ATF7IP2: variants seen among roughly 807,000 people sequenced by gnomAD.
ATF7IP2 encodes activating transcription factor 7 interacting protein 2.
A neutral mutation model predicts 64.2 loss-of-function variants in ATF7IP2; 42 were observed. That is an observed-to-expected ratio of 0.65 (90% CI 0.51 to 0.85). ATF7IP2 has a LOEUF of 0.85. Among genes scored for constraint, ATF7IP2 ranks in the 40% least tolerant of loss-of-function variants. The pLI is 0.00. For synonymous variants in ATF7IP2, 308 were observed against 272.8 expected (o/e 1.13, Z -1.27); for missense variants, 933 against 784.2 (o/e 1.19, Z -2.27).
intron 1 of ATF7IP2, among the ~76,000 whole-genome samples, chr16:10,387,922 A>T (rs1026031080): frequency 7.3e-6 from 1 of 136,914 alleles, no homozygotes; most frequent in Admixed American, 8.2e-5. Flanking sequence ...TTTCTTTGTG[A>T]GGCAGAGATT....
At chr16:10,438,369 A>T in intron 7 of ATF7IP2, 134 bp downstream of exon 7, 4 of 851,986 alleles carry the variant, frequency 4.7e-6, no homozygotes, top group Non-Finnish European at 6.7e-6. Context: ...CTCAGTCTCC[A>T]GAGTAGCTGA....
At chr16:10,479,635 A>G (rs1019532437) in intron 12 of ATF7IP2, among the ~76,000 whole-genome samples, 5 of 152,074 alleles carry the variant, frequency 3.3e-5, no homozygotes, top group Admixed American at 6.6e-5. Context: ...CATGTACCCT[A>G]AAACTTAAAG....
chr16:10,469,799 T>G (rs1173086746), intron 9 of ATF7IP2, among the ~76,000 whole-genome samples: 1 of 151,408 alleles, frequency 6.6e-6, no homozygotes, highest in Non-Finnish European at 1.5e-5. Context: ...GAACAAAAAG[T>G]AAGAATGGCA....
chr16:10,462,103 A>G (rs1421615616), intron 9 of ATF7IP2, among the ~76,000 whole-genome samples: 1 of 152,142 alleles, frequency 6.6e-6, no homozygotes, highest in African/African-American at 2.4e-5. Context: ...AGATAATGAT[A>G]TGTATTCTTT....
intron 12 of ATF7IP2, among the ~76,000 whole-genome samples, chr16:10,477,672 T>A (rs1169926888): frequency 6.6e-6 from 1 of 151,450 alleles, no homozygotes; most frequent in African/African-American, 2.4e-5. Flanking sequence ...GAGAAGGAAA[T>A]AAAGGGTATT....
At position 10,481,910 on chromosome 16, in the gene ATF7IP2, C is replaced by G. The variant is rs757659166; in HGVS notation, c.1710C>G (p.Thr570=). ...PAPLPELVDK[T]RDTLPPQKPE... ...CACTACCTGAATTAGTAGACAAAAC[C>G]CGAGACACACTTCCTCCCCAGAAGC... Residue 570 remains threonine, a synonymous_variant, in exon 14 of 14, where the codon ACC becomes ACG. Transcript: ENST00000562102. The G allele has an allele frequency of 6.2e-7, 1 of 1,613,910 alleles. No homozygotes were observed. Among genetic ancestry groups the G allele is most frequent in the Non-Finnish European group, 8.5e-7 (1 of 1,179,946 alleles).
intron 7 of ATF7IP2, among the ~76,000 whole-genome samples, chr16:10,439,492 C>A (rs1290740579): frequency 2.6e-5 from 4 of 151,246 alleles, no homozygotes; most frequent in Non-Finnish European, 4.4e-5. Context: ...CCTCGGCTTC[C>A]CAAAGTGCTG....
At chr16:10,459,023 TAAA>T (rs1319562817) in intron 9 of ATF7IP2, among the ~76,000 whole-genome samples, 2 of 102,908 alleles carry the variant, frequency 1.9e-5, no homozygotes, top group African/African-American at 3.4e-5. Context: ...CCATCTCTAC[TAAA>T]AAATAATAAT....
chr16:10,440,674 T>C (rs577474617), intron 8 of ATF7IP2, among the ~76,000 whole-genome samples: 1 of 152,346 alleles, frequency 6.6e-6, no homozygotes, highest in South Asian at 2.1e-4. Flanking sequence ...AGAAAGAGGA[T>C]TGGTGATTGC....
chr16:10,386,971 A>G (rs2047215423), intron 1 of ATF7IP2: 1 of 152,122 alleles, frequency 6.6e-6, no homozygotes, highest in African/African-American at 2.4e-5. Context: ...TTCCTTTACG[A>G]CACAATGGCT....
intron 6 of ATF7IP2, among the ~76,000 whole-genome samples, chr16:10,434,825 T>G (rs1044204918): frequency 6.6e-6 from 1 of 152,004 alleles, no homozygotes; most frequent in Non-Finnish European, 1.5e-5. Flanking sequence ...TGAGGCAGAG[T>G]CTCACTTTGT....
At chr16:10,434,251 A>T (rs73497841) in intron 6 of ATF7IP2, among the ~76,000 whole-genome samples, 6 of 152,156 alleles carry the variant, frequency 3.9e-5, no homozygotes, top group Non-Finnish European at 5.9e-5. Flanking sequence ...CGTTTGATCA[A>T]TTGTTAGCTG....
intron 1 of ATF7IP2, among the ~76,000 whole-genome samples, chr16:10,395,636 C>T (rs1381324233): frequency 6.6e-6 from 1 of 152,066 alleles, no homozygotes; most frequent in Non-Finnish European, 1.5e-5. Flanking sequence ...ATTTCTCATG[C>T]AAGAATCTTT....
At chr16:10,441,218 C>G (rs1250900619) in intron 8 of ATF7IP2, among the ~76,000 whole-genome samples, 1 of 152,134 alleles carries the variant, frequency 6.6e-6, no homozygotes, top group African/African-American at 2.4e-5. Flanking sequence ...CGTACGTGTG[C>G]ATGTGTCTTT....
intron 9 of ATF7IP2, among the ~76,000 whole-genome samples, chr16:10,465,047 C>T (rs2049514788): frequency 6.6e-6 from 1 of 152,190 alleles, no homozygotes; most frequent in Non-Finnish European, 1.5e-5. Context: ...TCAGGCTGCT[C>T]TCAAACTCGT....
chr16:10,481,582 C>T lies in ATF7IP2; in HGVS notation c.1636-254C>T, dbSNP rs553215619. Among the ~76,000 whole-genome samples, 11 of 152,196 alleles carry T rather than the reference C, an allele frequency of 7.2e-5. No individual in the cohort carries two copies. In the South Asian group the frequency reaches 8.3e-4, roughly 11 times the overall value. Reference sequence around the variant, plus strand: ...TGTAAATTAGTATAGTGTTTGAGAGCGCAATTTGGAAATGAGATGGAATAT... The same window carrying T: ...TGTAAATTAGTATAGTGTTTGAGAGTGCAATTTGGAAATGAGATGGAATAT... On this transcript the variant is annotated intron_variant, in intron 13 of 13. Coordinates refer to ENST00000562102, the MANE Select transcript of ATF7IP2 (RefSeq NM_001393719.1).
At chr16:10,416,408 T>C (rs981915604) in intron 2 of ATF7IP2, among the ~76,000 whole-genome samples, 2 of 152,094 alleles carry the variant, frequency 1.3e-5, no homozygotes, top group East Asian at 3.9e-4. Context: ...AACATTTGAA[T>C]TTGTGGTGAG....
chr16:10,471,616 G>T (rs1387336860), intron 9 of ATF7IP2, among the ~76,000 whole-genome samples: 3 of 152,084 alleles, frequency 2.0e-5, no homozygotes, highest in African/African-American at 7.2e-5. Flanking sequence ...TATCATCATT[G>T]TCTCAAATTT....
At chr16:10,437,785 G>A (rs184389130) in intron 6 of ATF7IP2, among the ~76,000 whole-genome samples, 9 of 152,004 alleles carry the variant, frequency 5.9e-5, no homozygotes, top group African/African-American at 2.2e-4. Context: ...AAATATAAAT[G>A]GCATATAGTC....
Sources: gnomAD v4.1 joint callset for allele counts (sites outside exome capture counted in the v4.1 genomes callset) on GRCh38, gnomAD v4.1.1 for gene constraint, MANE v1.5 for transcripts, NCBI Gene and HGNC (gene_info 2026-07-23, HGNC 2026-07-21) for gene names.